Variants in ZNF292 observed in about 807,000 individuals in gnomAD.
ZNF292 encodes 16 zinc-finger domain protein.
A neutral mutation model predicts 217.9 loss-of-function variants in ZNF292; 26 were observed. The ratio of observed to expected loss-of-function variants is 0.12; its 90% confidence interval spans 0.09 to 0.17. The LOEUF is 0.17. Among genes scored for constraint, ZNF292 ranks in the 10% least tolerant of loss-of-function variants. The pLI is 1.00. For synonymous variants in ZNF292, 1,257 were observed against 1,124.1 expected, an observed-to-expected ratio of 1.12 and a Z score of -2.37; for missense variants, 2,904 against 3,175.2, an observed-to-expected ratio of 0.91 and a Z score of 2.05.
At chr6:87,225,860 C>T (rs1773320747) in intron 4 of ZNF292, among the ~76,000 whole-genome samples, 2 of 151,980 alleles carry the variant, frequency 1.3e-5, no homozygotes, top group Admixed American at 6.6e-5. Context: ...ATAATCAAAC[C>T]CAAGTAGCAG....
At chr6:87,180,066 T>C (rs901946238) in intron 1 of ZNF292, among the ~76,000 whole-genome samples, 1 of 152,240 alleles carries the variant, frequency 6.6e-6, no homozygotes, top group Non-Finnish European at 1.5e-5. Flanking sequence ...GGGTGTCCAA[T>C]GTCTTGGCTT....
At chr6:87,198,153 C>T (rs1290553774) in intron 1 of ZNF292, among the ~76,000 whole-genome samples, 2 of 151,900 alleles carry the variant, frequency 1.3e-5, no homozygotes, top group South Asian at 2.1e-4. Context: ...TAAATCCTGA[C>T]ATAACCAAGT....
At chr6:87,209,104 A>ACT (rs1772370643) in intron 1 of ZNF292, among the ~76,000 whole-genome samples, 1 of 137,306 alleles carries the variant, frequency 7.3e-6, no homozygotes, top group Admixed American at 7.1e-5. Context: ...CCCCACTTTC[A>ACT]CCCCCCCCTC....
chr6:87,203,097 A>G (rs1420670583), intron 1 of ZNF292, among the ~76,000 whole-genome samples: 1 of 149,080 alleles, frequency 6.7e-6, no homozygotes, highest in Non-Finnish European at 1.5e-5. Context: ...CCCCCTTAAA[A>G]TCTGTTATTA....
Position 87,156,606 on chromosome 6 carries a change from C to T in ZNF292, c.168+847C>T, listed in dbSNP as rs181639641. On this transcript the variant is annotated intron_variant, in intron 1 of 7. Transcript: ENST00000369577. ...CCCCCTCACCCCTGTTTCTTGGAGT[C>T]CTTCCTATTTGGCTTCCTGATGAAG... Among the ~76,000 whole-genome samples, 243 of 152,304 alleles carry T rather than the reference C, an allele frequency of 1.6e-3. 1 individual carries two copies. Among genetic ancestry groups the T allele is most frequent in the Admixed American group, 2.7e-3 (42 of 15,304 alleles).
rs1775548649 is a variant in ZNF292 at position 87,260,931 on chromosome 6, A to G, written c.7302A>G (p.Gln2434=). The G allele has an allele frequency of 6.2e-7, 1 of 1,611,138 alleles. No homozygotes were observed. Among genetic ancestry groups the G allele is most frequent in the South Asian group, 1.1e-5 (1 of 90,608 alleles). Residue 2434 remains glutamine, a synonymous_variant, in exon 8 of 8, where the codon CAA becomes CAG. Transcript: ENST00000369577. ...TATTCAAACGGTGTTGCAACTCACA[A>G]GTAAAGGAAACGTCTGAGCAAGAAG... is the stretch of plus-strand genomic sequence containing the variant. ...LIVFKRCCNS[Q]VKETSEQEGA...
chr6:87,159,324 G>A (rs1410368131), intron 1 of ZNF292, among the ~76,000 whole-genome samples: 2 of 152,012 alleles, frequency 1.3e-5, no homozygotes, highest in African/African-American at 2.4e-5. Context: ...GGAAGAGTAA[G>A]TAGAGGATGG....
chr6:87,218,359 G>GA (rs1772893573), intron 3 of ZNF292, among the ~76,000 whole-genome samples: 1 of 151,984 alleles, frequency 6.6e-6, no homozygotes, highest in Non-Finnish European at 1.5e-5. Context: ...TTTTGGGGAA[G>GA]AAAAAATACA....
chr6:87,250,037 CA>C (rs75971468), intron 7 of ZNF292, among the ~76,000 whole-genome samples: 163 of 79,696 alleles, frequency 2.0e-3, no homozygotes, highest in African/African-American at 6.2e-3. Context: ...AAAAAAAAAA[CA>C]AAAAAAAAAA....
Position 87,257,390 on chromosome 6 carries a change from A to G in ZNF292, c.3761A>G (p.Asn1254Ser), listed in dbSNP as rs548029828. Residue 1254 changes from asparagine (N) to serine (S), a missense_variant, in exon 8 of 8, where the codon AAT (asparagine) becomes AGT (serine). Physicochemically the swap from Asn to Ser is conservative, Grantham distance 46. Transcript: ENST00000369577. ...CTAACCAAAACAGTTCTGCCTTTGA[A>G]TATTGACAGTGGCTCAGATCCTTTC... is the stretch of plus-strand genomic sequence containing the variant. ...EDLTKTVLPL[N>S]IDSGSDPFLP... 18 of 1,613,672 alleles carry G rather than the reference A, an allele frequency of 1.1e-5. No individual in the cohort carries two copies. In the South Asian group the frequency reaches 2.0e-4, roughly 18 times the overall value.
chr6:87,230,842 G>T (rs1402791375), intron 4 of ZNF292, among the ~76,000 whole-genome samples: 1 of 151,980 alleles, frequency 6.6e-6, no homozygotes, highest in Non-Finnish European at 1.5e-5. Context: ...TGTTATCTAT[G>T]TCACATAGCT....
intron 7 of ZNF292, among the ~76,000 whole-genome samples, chr6:87,247,284 C>T (rs190346756): frequency 2.4e-4 from 24 of 97,974 alleles, no homozygotes; most frequent in Non-Finnish European, 4.0e-4. Flanking sequence ...CACACACATG[C>T]GCACGCACGT....
At chr6:87,199,310 A>G (rs1772043117) in intron 1 of ZNF292, among the ~76,000 whole-genome samples, 1 of 152,164 alleles carries the variant, frequency 6.6e-6, no homozygotes. Context: ...CTGTCCATTT[A>G]AATCTTTTGC....
intron 1 of ZNF292, among the ~76,000 whole-genome samples, chr6:87,209,111 CCT>C (rs1350826396): frequency 2.7e-5 from 4 of 150,034 alleles, no homozygotes; most frequent in African/African-American, 1.0e-4. Context: ...TTCACCCCCC[CCT>C]CCCCATTTTC....
intron 1 of ZNF292, among the ~76,000 whole-genome samples, chr6:87,179,590 A>C (rs1423296883): frequency 1.3e-5 from 2 of 152,190 alleles, no homozygotes; most frequent in Non-Finnish European, 2.9e-5. Flanking sequence ...GAAAACCTCA[A>C]TATAAGTATG....
intron 1 of ZNF292, among the ~76,000 whole-genome samples, chr6:87,194,932 GAA>G (rs10607857): frequency 0.13 from 18,783 of 149,566 alleles, 1,364 homozygotes; most frequent in African/African-American, 0.2. Flanking sequence ...AAGCTCATTT[GAA>G]AAAAAAAAAC....
intron 3 of ZNF292, 32 bp downstream of exon 3, chr6:87,216,409 G>T (rs1287885097): frequency 2.1e-6 from 3 of 1,461,238 alleles, no homozygotes; most frequent in African/African-American, 2.8e-5. Flanking sequence ...TTTAATACAG[G>T]TATATCTTAT....
At position 87,259,080 on chromosome 6, in the gene ZNF292, T is replaced by C. The variant is rs1269455723; in HGVS notation, c.5451T>C (p.Ser1817=). The C allele has an allele frequency of 3.7e-6, 6 of 1,613,184 alleles. No individual in the cohort carries two copies. The East Asian group carries it at 1.1e-4, about 30-fold the overall frequency. Residue 1817 remains serine (S), a synonymous_variant, in exon 8 of 8, where the codon AGT becomes AGC. Transcript: ENST00000369577. ...PDSSPFSSFI[S]VMPTKSNIPQ... is the part of the protein sequence containing the mutation. ...CTTCTCCGTTTTCCTCCTTTATAAGTGTCATGCCAACAAAAAGTAACATTC... is the reference window on the plus strand; with the variant it reads ...CTTCTCCGTTTTCCTCCTTTATAAGCGTCATGCCAACAAAAAGTAACATTC...
chr6:87,163,577 G>A (rs1232923935), intron 1 of ZNF292, among the ~76,000 whole-genome samples: 1 of 152,108 alleles, frequency 6.6e-6, no homozygotes, highest in African/African-American at 2.4e-5. Flanking sequence ...TTATGGAGTG[G>A]ACCTCCACCC....
Sources: allele counts gnomAD v4.1 joint callset (sites outside exome capture counted in the v4.1 genomes callset), GRCh38; gene constraint gnomAD v4.1.1; transcripts MANE v1.5; gene names NCBI Gene and HGNC (gene_info 2026-07-23, HGNC 2026-07-21).